Variants in DGKI observed in about 807,000 individuals in gnomAD.
DGKI encodes DAG kinase iota.
Under a neutral mutation model 147.5 loss-of-function variants are expected in DGKI, and 55 were observed. The observed-to-expected ratio is 0.37, with a 90% confidence interval of 0.30 to 0.47. The LOEUF is 0.47. Ranked by LOEUF, DGKI falls within the 20% of genes least tolerant of loss-of-function variation. The pLI is 1.00. For missense variants in DGKI, 1,007 were observed against 1,323.8 expected (o/e 0.76, Z 3.71); for synonymous variants, 469 against 477.1 (o/e 0.98, Z 0.22).
intron 32 of DGKI, among the ~76,000 whole-genome samples, chr7:137,391,927 T>C (rs543208253): frequency 3.4e-4 from 52 of 152,268 alleles, no homozygotes; most frequent in African/African-American, 1.3e-3. Flanking sequence ...AGATATTGAT[T>C]AAAGAAATCT....
chr7:137,554,914 C>CTTTT (rs757320303), intron 19 of DGKI, among the ~76,000 whole-genome samples: 7 of 107,426 alleles, frequency 6.5e-5, no homozygotes, highest in Non-Finnish European at 1.1e-4. Context: ...AAACTATTTT[C>CTTTT]TTTTTTTTTT....
At position 137,385,281 on chromosome 7, in the gene DGKI, C is replaced by G. The variant is rs75182856; in HGVS notation, c.*5939G>C. On this transcript the variant is annotated 3_prime_UTR_variant, in exon 33 of 33. Coordinates refer to ENST00000614521, the MANE Select transcript of DGKI (RefSeq NM_001321708.2). Reference sequence around the variant, plus strand: ...TTTTAAATGATAACTAACGGCCATTCCCCTAGATATTTTTAAAATTCTCAG... The same window carrying G: ...TTTTAAATGATAACTAACGGCCATTGCCCTAGATATTTTTAAAATTCTCAG... The G allele has an allele frequency of 6.6e-6, 1 of 151,920 alleles. No individual in the cohort carries two copies. Among genetic ancestry groups the G allele is most frequent in the Non-Finnish European group, 1.5e-5 (1 of 67,952 alleles). The allele number at this position is 151,920 out of a possible 1,614,324, so 9.4% of individuals were successfully genotyped here. A position where few individuals can be genotyped will look rare whatever the true frequency, so the allele number is the denominator to read the frequency against.
intron 1 of DGKI, among the ~76,000 whole-genome samples, chr7:137,837,387 C>T (rs1563220763): frequency 6.6e-6 from 1 of 152,174 alleles, no homozygotes; most frequent in Non-Finnish European, 1.5e-5. Flanking sequence ...CCTTTGCTGC[C>T]TCTGGGAATG....
At chr7:137,834,888 T>C (rs925621984) in intron 1 of DGKI, among the ~76,000 whole-genome samples, 1 of 152,184 alleles carries the variant, frequency 6.6e-6, no homozygotes, top group Admixed American at 6.5e-5. Context: ...TCAAAAAATA[T>C]AGCACCTGAC....
intron 6 of DGKI, among the ~76,000 whole-genome samples, chr7:137,637,850 TG>T (rs1019328851): frequency 6.6e-6 from 1 of 152,246 alleles, no homozygotes; most frequent in Non-Finnish European, 1.5e-5. Flanking sequence ...TTCATTTCAT[TG>T]TTTTTTTAAT....
At chr7:137,812,852 A>G (rs930922606) in intron 1 of DGKI, among the ~76,000 whole-genome samples, 9 of 152,198 alleles carry the variant, frequency 5.9e-5, no homozygotes, top group African/African-American at 2.2e-4. Context: ...TTAGGTATAT[A>G]GTCATATTTG....
chr7:137,553,114 C>T (rs1349835591), intron 19 of DGKI, among the ~76,000 whole-genome samples: 1 of 152,100 alleles, frequency 6.6e-6, no homozygotes, highest in East Asian at 1.9e-4. Context: ...TCACTTTTTG[C>T]TCTTATATGT....
chr7:137,557,968 G>A (rs1188744935), intron 19 of DGKI, among the ~76,000 whole-genome samples: 2 of 152,214 alleles, frequency 1.3e-5, no homozygotes, highest in African/African-American at 4.8e-5. Context: ...TGCAGTTGTC[G>A]ATTTATGAAT....
intron 1 of DGKI, among the ~76,000 whole-genome samples, chr7:137,775,552 G>A (rs929783223): frequency 2.6e-5 from 4 of 152,126 alleles, no homozygotes; most frequent in East Asian, 1.9e-4. Context: ...TATGTATGTC[G>A]GTGCATGTGC....
chr7:137,475,705 C>T (rs1255801838), intron 23 of DGKI, among the ~76,000 whole-genome samples: 1 of 152,194 alleles, frequency 6.6e-6, no homozygotes, highest in Admixed American at 6.5e-5. Context: ...ACACTAGGAA[C>T]CAGTCTAGGT....
At chr7:137,595,770 G>A (rs536672030) in intron 12 of DGKI, among the ~76,000 whole-genome samples, 62 of 151,980 alleles carry the variant, frequency 4.1e-4, no homozygotes, top group African/African-American at 1.4e-3. Flanking sequence ...TTGGGAGGCC[G>A]AGGCAGGTGG....
intron 5 of DGKI, among the ~76,000 whole-genome samples, chr7:137,651,947 A>G (rs1822042009): frequency 6.6e-6 from 1 of 152,210 alleles, no homozygotes; most frequent in Admixed American, 6.5e-5. Context: ...TGAAAAAAGA[A>G]GCAATTTCAG....
At chr7:137,787,813 T>G (rs535752950) in intron 1 of DGKI, among the ~76,000 whole-genome samples, 29 of 152,228 alleles carry the variant, frequency 1.9e-4, no homozygotes, top group African/African-American at 7.0e-4. Context: ...TGCAGCAACC[T>G]GGATGAAACT....
intron 20 of DGKI, among the ~76,000 whole-genome samples, chr7:137,540,919 T>C (rs1353199556): frequency 1.3e-5 from 2 of 152,092 alleles, no homozygotes; most frequent in Non-Finnish European, 2.9e-5. Context: ...AGAGAATTTA[T>C]GAACTGAGAG....
chr7:137,575,706 T>C (rs896559239), intron 17 of DGKI, among the ~76,000 whole-genome samples: 1 of 152,246 alleles, frequency 6.6e-6, no homozygotes, highest in Non-Finnish European at 1.5e-5. Context: ...CCCTGTGTTC[T>C]TGTATCTAGC....
intron 2 of DGKI, among the ~76,000 whole-genome samples, chr7:137,684,967 G>C (rs943805617): frequency 6.6e-6 from 1 of 152,152 alleles, no homozygotes; most frequent in Non-Finnish European, 1.5e-5. Context: ...ACACAGCCCT[G>C]CCTCCTTCTG....
At chr7:137,466,551 AC>A (rs1404470445) in intron 25 of DGKI, among the ~76,000 whole-genome samples, 1 of 152,142 alleles carries the variant, frequency 6.6e-6, no homozygotes, top group Non-Finnish European at 1.5e-5. Context: ...CTAGTTATAC[AC>A]CTGGGGCCTC....
At chr7:137,440,550 A>G (rs1234788887) in intron 28 of DGKI, among the ~76,000 whole-genome samples, 5 of 152,212 alleles carry the variant, frequency 3.3e-5, no homozygotes, top group Admixed American at 3.3e-4. Flanking sequence ...GAGAGTTAAG[A>G]GTTTGATTGT....
chr7:137,389,548 G>A lies in DGKI; in HGVS notation c.*1672C>T, dbSNP rs944926046. Reference sequence around the variant, plus strand: ...TGTAGAAACATTAGGGAAGCACTATGCTATGTCCAAGGACAAAATGAAAAT... The same window carrying A: ...TGTAGAAACATTAGGGAAGCACTATACTATGTCCAAGGACAAAATGAAAAT... On this transcript the variant is annotated 3_prime_UTR_variant, in exon 33 of 33. Coordinates refer to ENST00000614521, the MANE Select transcript of DGKI (RefSeq NM_001321708.2). 7 of 152,204 alleles carry A rather than the reference G, an allele frequency of 4.6e-5. No individual in the cohort carries two copies. Among genetic ancestry groups the A allele is most frequent in the Non-Finnish European group, 1.0e-4 (7 of 68,040 alleles). 9.4% of individuals were successfully genotyped at this position (152,204 alleles called of 1,614,324 possible).
Sources: allele counts gnomAD v4.1 joint callset (sites outside exome capture counted in the v4.1 genomes callset), GRCh38; gene constraint gnomAD v4.1.1; transcripts MANE v1.5; gene names NCBI Gene and HGNC (gene_info 2026-07-23, HGNC 2026-07-21).